Variants in ARHGAP10 observed in about 807,000 individuals in gnomAD.
ARHGAP10 encodes rho GTPase-activating protein 10.
Under a neutral mutation model 108.6 loss-of-function variants are expected in ARHGAP10, and 87 were observed. The observed-to-expected ratio is 0.80, with a 90% CI of 0.67 to 0.96. The LOEUF (loss-of-function observed/expected upper bound fraction) is 0.96, where lower values mean the gene tolerates loss of function less well. Among genes scored for constraint, ARHGAP10 ranks in the 40% least tolerant of loss-of-function variants. ARHGAP10 has a pLI of 0.00. For missense variants in ARHGAP10, 939 were observed against 954.5 expected (o/e 0.98, Z 0.21); for synonymous variants, 347 against 341.1 (o/e 1.02, Z -0.19).
chr4:147,877,937 A>G (rs983406053), intron 8 of ARHGAP10, among the ~76,000 whole-genome samples: 10 of 151,578 alleles, frequency 6.6e-5, no homozygotes, highest in African/African-American at 1.9e-4. Flanking sequence ...GACAATACCA[A>G]TGTTATTTTA....
At chr4:148,020,928 G>C (rs1426089958) in intron 18 of ARHGAP10, among the ~76,000 whole-genome samples, 2 of 152,066 alleles carry the variant, frequency 1.3e-5, no homozygotes, top group African/African-American at 4.8e-5. Flanking sequence ...CTGGTGTTTT[G>C]ATTTTGACTT....
At chr4:148,037,022 G>T (rs1389029824) in intron 19 of ARHGAP10, among the ~76,000 whole-genome samples, 1 of 152,200 alleles carries the variant, frequency 6.6e-6, no homozygotes, top group Non-Finnish European at 1.5e-5. Flanking sequence ...AGGTGAGATA[G>T]GTGGTTTTTC....
chr4:147,873,645 A>G (rs10014696), intron 7 of ARHGAP10, among the ~76,000 whole-genome samples: 20,336 of 147,236 alleles, frequency 0.14, 1,851 homozygotes, highest in East Asian at 0.26. Context: ...GGGCCCCATA[A>G]TGAGACCCCT....
chr4:147,757,713 G>C (rs1239364558), intron 1 of ARHGAP10, among the ~76,000 whole-genome samples: 1 of 152,172 alleles, frequency 6.6e-6, no homozygotes, highest in Non-Finnish European at 1.5e-5. Flanking sequence ...TGCACACCTG[G>C]GTACTTAACC....
intron 18 of ARHGAP10, among the ~76,000 whole-genome samples, chr4:147,987,968 C>G (rs1740105045): frequency 6.6e-6 from 1 of 152,198 alleles, no homozygotes; most frequent in African/African-American, 2.4e-5. Context: ...GTTTTGGTTG[C>G]AACCAAATCA....
chr4:147,857,147 A>G (rs1018141735), intron 4 of ARHGAP10, among the ~76,000 whole-genome samples: 20 of 152,304 alleles, frequency 1.3e-4, no homozygotes, highest in African/African-American at 4.3e-4. Context: ...CCACTGGCCT[A>G]TTATTCCATT....
intron 15 of ARHGAP10, among the ~76,000 whole-genome samples, chr4:147,954,488 T>TA (rs1171840557): frequency 6.6e-6 from 1 of 152,012 alleles, no homozygotes; most frequent in Non-Finnish European, 1.5e-5. Context: ...TTGCATATGT[T>TA]AAAAAATTTT....
chr4:147,829,153 C>T (rs917066931), intron 3 of ARHGAP10, among the ~76,000 whole-genome samples: 3 of 151,786 alleles, frequency 2.0e-5, no homozygotes, highest in African/African-American at 4.8e-5. Context: ...TGGGTTCAAG[C>T]GATTCTCCTG....
chr4:147,810,013 G>A (rs1351950559), intron 1 of ARHGAP10, among the ~76,000 whole-genome samples: 2 of 152,144 alleles, frequency 1.3e-5, no homozygotes, highest in Non-Finnish European at 2.9e-5. Context: ...CTATTATTTA[G>A]TATTTTCTCT....
intron 1 of ARHGAP10, among the ~76,000 whole-genome samples, chr4:147,805,239 C>T (rs1579066663): frequency 1.3e-5 from 2 of 152,100 alleles, no homozygotes; most frequent in Non-Finnish European, 2.9e-5. Context: ...GGAGTCCTTT[C>T]CCCATTGTTT....
intron 18 of ARHGAP10, among the ~76,000 whole-genome samples, chr4:148,014,659 A>C (rs1207368046): frequency 6.6e-6 from 1 of 152,244 alleles, no homozygotes; most frequent in African/African-American, 2.4e-5. Flanking sequence ...TGAAAATGCT[A>C]TGGGTGCAAT....
intron 20 of ARHGAP10, among the ~76,000 whole-genome samples, chr4:148,057,360 C>G (rs1399379071): frequency 6.6e-6 from 1 of 152,186 alleles, no homozygotes; most frequent in African/African-American, 2.4e-5. Flanking sequence ...ACCATTCTTT[C>G]CATATTCCAT....
intron 18 of ARHGAP10, among the ~76,000 whole-genome samples, chr4:147,969,821 C>G (rs1348207523): frequency 6.6e-6 from 1 of 152,174 alleles, no homozygotes; most frequent in East Asian, 1.9e-4. Context: ...AGAGGTCTTT[C>G]GGTTTTCCTT....
In ARHGAP10 at chr4:147,946,599, T is replaced by G. The variant is rs573355575; in HGVS notation, c.1304-18T>G. The G allele has an allele frequency of 1.9e-6, 3 of 1,606,482 alleles. No homozygotes were observed. Among genetic ancestry groups the G allele is most frequent in the Non-Finnish European group, 1.7e-6 (2 of 1,176,648 alleles). On this transcript the variant is annotated intron_variant, in intron 14 of 22. Transcript: ENST00000336498. ...ATCAAGGTTTTAATTATTTTTTTCT[T>G]GTTTGCTTGCTCACTAGATGTAAAA...
At chr4:148,012,067 G>C (rs1560874226) in intron 18 of ARHGAP10, among the ~76,000 whole-genome samples, 1 of 152,176 alleles carries the variant, frequency 6.6e-6, no homozygotes, top group African/African-American at 2.4e-5. Context: ...TTAGCATGTC[G>C]ACAGTAATAC....
intron 10 of ARHGAP10, among the ~76,000 whole-genome samples, chr4:147,897,486 G>GT (rs978364400): frequency 3.3e-5 from 5 of 151,686 alleles, no homozygotes; most frequent in East Asian, 1.9e-4. Context: ...GCTTTTCTTA[G>GT]TTTTTTTTGC....
chr4:147,797,186 A>G (rs1731349556), intron 1 of ARHGAP10, among the ~76,000 whole-genome samples: 1 of 151,956 alleles, frequency 6.6e-6, no homozygotes, highest in African/African-American at 2.4e-5. Flanking sequence ...ATTCTATTCA[A>G]TGTCCTCAAA....
At position 147,966,828 on chromosome 4, in the gene ARHGAP10, A is replaced by G; in HGVS notation, c.1705A>G (p.Asn569Asp). 1 of 1,573,640 alleles carries G rather than the reference A, an allele frequency of 6.4e-7. No homozygotes were observed. Among genetic ancestry groups the G allele is most frequent in the Non-Finnish European group, 8.7e-7 (1 of 1,154,924 alleles). Residue 569 changes from asparagine to aspartate, a missense_variant, in exon 18 of 23, where the codon AAC (asparagine) becomes GAC (aspartate). Coordinates refer to ENST00000336498, the MANE Select transcript of ARHGAP10 (RefSeq NM_024605.4). ...QNIVVEILIE[N>D]HEKIFRTPPD... Reference sequence around the variant, plus strand: ...TATTGTTGTGGAAATCTTAATTGAAAACCATGAAAAGGTAAAATTTTTTTT... The same window carrying G: ...TATTGTTGTGGAAATCTTAATTGAAGACCATGAAAAGGTAAAATTTTTTTT...
chr4:148,026,056 G>A (rs1256430346), intron 19 of ARHGAP10, among the ~76,000 whole-genome samples: 1 of 152,148 alleles, frequency 6.6e-6, no homozygotes, highest in African/African-American at 2.4e-5. Context: ...TATAAGTTAG[G>A]TGTAGACTAT....
Sources: gnomAD v4.1 joint callset for allele counts (sites outside exome capture counted in the v4.1 genomes callset) on GRCh38, gnomAD v4.1.1 for gene constraint, MANE v1.5 for transcripts, NCBI Gene and HGNC (gene_info 2026-07-23, HGNC 2026-07-21) for gene names.